The following TSHR variants were observed in gnomAD, a reference collection of about 807,000 sequenced individuals.
The protein encoded by TSHR is thyrotropin receptor.
A neutral mutation model predicts 64.1 loss-of-function variants in TSHR; 51 were observed. That is an observed-to-expected ratio of 0.80 (90% CI 0.64 to 1.01). The LOEUF (loss-of-function observed/expected upper bound fraction) is 1.01. Among genes scored for constraint, TSHR ranks in the 50% least tolerant of loss-of-function variants. The pLI is 0.00. For synonymous variants in TSHR, 361 were observed against 361.9 expected (o/e 1.00, Z 0.03); for missense variants, 877 against 942.8 (o/e 0.93, Z 0.91).
At position 81,026,968 on chromosome 14, in the gene TSHR, G is replaced by A. The variant is rs371928588; in HGVS notation, c.171-35180G>A. On this transcript the variant is annotated intron_variant, in intron 1 of 9. Transcript: ENST00000298171. The stretch of plus-strand genomic sequence containing the variant: ...GGGGAATCACTTGAACCTGGGAGGC[G>A]GAGGTTGCAGTGAGCCAAGATCACG... Among the ~76,000 whole-genome samples the A allele has an allele frequency of 1.6e-4, 24 of 151,512 alleles. No homozygotes were observed. The East Asian group carries it at 4.1e-3, about 26-fold the overall frequency.
At chr14:81,030,210 C>T (rs1365673445) in intron 1 of TSHR, among the ~76,000 whole-genome samples, 1 of 152,102 alleles carries the variant, frequency 6.6e-6, no homozygotes, top group Admixed American at 6.6e-5. Flanking sequence ...AAGTCACTTT[C>T]ACAAAGAACT....
At chr14:81,128,400 A>G (rs138647705) in intron 8 of TSHR, among the ~76,000 whole-genome samples, 13 of 152,324 alleles carry the variant, frequency 8.5e-5, no homozygotes, top group African/African-American at 2.6e-4. Context: ...ACTAACTCCA[A>G]AACACGATCT....
intron 1 of TSHR, chr14:80,992,661 T>TA (rs1276494091): frequency 1.3e-5 from 2 of 152,092 alleles, no homozygotes; most frequent in Non-Finnish European, 2.9e-5. Flanking sequence ...GCAGCAAGAT[T>TA]AAAAAATAAT....
At chr14:81,024,886 G>A (rs552078014) in intron 1 of TSHR, among the ~76,000 whole-genome samples, 63 of 151,464 alleles carry the variant, frequency 4.2e-4, no homozygotes, top group African/African-American at 1.5e-3. Context: ...TTACAGTATT[G>A]CACTAAATAT....
intron 9 of TSHR, among the ~76,000 whole-genome samples, chr14:81,142,323 G>C (rs918195390): frequency 5.3e-5 from 8 of 151,422 alleles, no homozygotes; most frequent in Non-Finnish European, 1.0e-4. Flanking sequence ...CAAGTGATGT[G>C]CCTGCCTTGG....
intron 1 of TSHR, among the ~76,000 whole-genome samples, chr14:80,974,552 C>G (rs1451063020): frequency 6.6e-6 from 1 of 152,174 alleles, no homozygotes; most frequent in African/African-American, 2.4e-5. Flanking sequence ...CAACCACCCT[C>G]AATCCCTGGA....
At chr14:81,133,771 T>C (rs1471314245) in intron 8 of TSHR, among the ~76,000 whole-genome samples, 1 of 151,922 alleles carries the variant, frequency 6.6e-6, no homozygotes, top group Non-Finnish European at 1.5e-5. Flanking sequence ...AAAACCAAGA[T>C]ACACAAATGG....
intron 1 of TSHR, among the ~76,000 whole-genome samples, chr14:80,979,954 A>G (rs1888084574): frequency 6.6e-6 from 1 of 152,110 alleles, no homozygotes; most frequent in Non-Finnish European, 1.5e-5. Context: ...AAAATACGCT[A>G]TTGGCTTCCA....
rs796852289 is a variant in TSHR at position 80,982,182 on chromosome 14, G to T, written c.170+26332G>T. 8.5e-6 allele frequency: 5 copies of T among 589,276 alleles called. No homozygotes were observed. The South Asian group carries it at 1.1e-4, about 12-fold the overall frequency. 36.5% of individuals were successfully genotyped at this position (589,276 alleles called of 1,614,324 possible). On this transcript the variant is annotated intron_variant, in intron 1 of 9. Transcript: ENST00000298171. ...GATGAAGGCAGTGTCTAAGAACAAG[G>T]TCGGTGCTGAGATGAAGGAAGGAGC...
intron 8 of TSHR, among the ~76,000 whole-genome samples, chr14:81,119,513 A>C (rs1595145762): frequency 7.5e-6 from 1 of 134,040 alleles, no homozygotes; most frequent in African/African-American, 3.0e-5. Context: ...GGCAATCATT[A>C]AAAAGTCAGG....
chr14:81,041,673 T>G (rs991141309), intron 1 of TSHR, among the ~76,000 whole-genome samples: 1 of 152,048 alleles, frequency 6.6e-6, no homozygotes, highest in Non-Finnish European at 1.5e-5. Context: ...ACTTAAAAGT[T>G]AAAGAAAAAT....
intron 3 of TSHR, among the ~76,000 whole-genome samples, chr14:81,069,646 A>G (rs1436145609): frequency 6.6e-6 from 1 of 152,174 alleles, no homozygotes; most frequent in Non-Finnish European, 1.5e-5. Context: ...CGGGCTTGCT[A>G]AGAAGGATTG....
At chr14:81,062,335 G>A in intron 2 of TSHR, 116 bp downstream of exon 2, 3 of 711,646 alleles carry the variant, frequency 4.2e-6, no homozygotes, top group Non-Finnish European at 7.0e-6. Context: ...CAGTTATATT[G>A]TCAATGTATA....
chr14:81,121,522 C>T (rs7144198), intron 8 of TSHR, among the ~76,000 whole-genome samples: 36,146 of 152,024 alleles, frequency 0.24, 4,364 homozygotes, highest in East Asian at 0.3. Flanking sequence ...AAACAGTGAT[C>T]AACACAGGAA....
chr14:81,097,579 C>G (rs1046767249), intron 7 of TSHR, among the ~76,000 whole-genome samples: 8 of 152,144 alleles, frequency 5.3e-5, no homozygotes, highest in African/African-American at 1.9e-4. Flanking sequence ...ATAGACCACA[C>G]TTTAAGTAGC....
chr14:80,963,964 A>T (rs1887168102), intron 1 of TSHR, among the ~76,000 whole-genome samples: 1 of 152,182 alleles, frequency 6.6e-6, no homozygotes, highest in South Asian at 2.1e-4. Context: ...TTGGGGGATA[A>T]ATTGCTAATA....
chr14:80,967,077 G>A (rs961823701), intron 1 of TSHR, among the ~76,000 whole-genome samples: 2 of 151,560 alleles, frequency 1.3e-5, no homozygotes, highest in Admixed American at 1.3e-4. Flanking sequence ...GTCCATAACA[G>A]AAGCCCTCAC....
chr14:81,142,799 G>A (rs1891752371), intron 9 of TSHR, 141 bp from the exon 10 acceptor site: 1 of 741,490 alleles, frequency 1.3e-6, no homozygotes, highest in East Asian at 2.6e-5. Context: ...TTATAGAGAT[G>A]GGATTTCACC....
In TSHR at chr14:81,144,441, A is replaced by C; in HGVS notation, c.*88A>C. ...ATTCCAATCCCATGACACCCCCAAC[A>C]CATAGCTGCCCTCACTCTTGTGCAG... is the stretch of plus-strand genomic sequence containing the variant. On this transcript the variant is annotated 3_prime_UTR_variant, in exon 10 of 10. Coordinates refer to ENST00000298171, the MANE Select transcript of TSHR (RefSeq NM_000369.5). The C allele has an allele frequency of 1.5e-6, 2 of 1,307,582 alleles. No homozygotes were observed. The highest frequency in any genetic ancestry group is 2.2e-6 in the Non-Finnish European group (2 of 917,040). The allele number at this position is 1,307,582 out of a possible 1,614,324, so 81.0% of individuals were successfully genotyped here. A position where few individuals can be genotyped will look rare whatever the true frequency, so the allele number is the denominator to read the frequency against.
Sources: allele counts gnomAD v4.1 joint callset (sites outside exome capture counted in the v4.1 genomes callset), GRCh38; gene constraint gnomAD v4.1.1; transcripts MANE v1.5; gene names NCBI Gene and HGNC (gene_info 2026-07-23, HGNC 2026-07-21).